Variants in KIF5C observed in about 807,000 individuals in gnomAD.
The protein encoded by KIF5C is kinesin heavy chain isoform 5C.
In KIF5C, 18 loss-of-function variants were observed where a neutral mutation model predicts 125.2. That is an observed-to-expected ratio of 0.14 (90% CI 0.10 to 0.21). The LOEUF (loss-of-function observed/expected upper bound fraction) is 0.21. Among genes scored for constraint, KIF5C ranks in the 10% least tolerant of loss-of-function variants. The pLI is 1.00. For synonymous variants in KIF5C, 405 were observed against 434.0 expected (o/e 0.93, Z 0.83); for missense variants, 780 against 1,183.8 (o/e 0.66, Z 5.01).
chr2:148,971,302 A>ATC (rs1305403250), intron 11 of KIF5C, among the ~76,000 whole-genome samples: 1 of 136,636 alleles, frequency 7.3e-6, no homozygotes, highest in African/African-American at 2.5e-5. Flanking sequence ...CTATCTATCT[A>ATC]TCTATCTATC....
intron 14 of KIF5C, among the ~76,000 whole-genome samples, chr2:148,982,095 T>C (rs1397574823): frequency 6.6e-6 from 1 of 152,204 alleles, no homozygotes; most frequent in Non-Finnish European, 1.5e-5. Context: ...TGGACTTCAC[T>C]CTTCTTGCTT....
At chr2:148,970,203 A>G (rs2105142533) in intron 11 of KIF5C, among the ~76,000 whole-genome samples, 1 of 152,280 alleles carries the variant, frequency 6.6e-6, no homozygotes, top group Admixed American at 6.5e-5. Context: ...CCTGAAATGG[A>G]CTTGCATGGC....
intron 4 of KIF5C, among the ~76,000 whole-genome samples, chr2:148,938,216 T>A (rs1181299582): frequency 6.6e-6 from 1 of 152,218 alleles, no homozygotes; most frequent in Non-Finnish European, 1.5e-5. Context: ...GTGGGCATTT[T>A]GTGGAGGATG....
At position 149,024,757 on chromosome 2, in the gene KIF5C, G is replaced by A. The variant is rs1229433198; in HGVS notation, c.*1687G>A. ...TTGAAGTATTTATTTTGTGAAGATG[G>A]CAATTTTGCATTTGTTTAAATTTTT... On this transcript the variant is annotated 3_prime_UTR_variant, in exon 26 of 26. Transcript: ENST00000435030. 2 of 152,450 alleles carry A rather than the reference G, an allele frequency of 1.3e-5. No homozygotes were observed. The highest frequency in any genetic ancestry group is 2.4e-5 in the African/African-American group (1 of 41,374). 9.4% of individuals were successfully genotyped at this position (152,450 alleles called of 1,614,324 possible).
chr2:148,990,503 C>G (rs975005136), intron 15 of KIF5C, among the ~76,000 whole-genome samples: 1 of 152,124 alleles, frequency 6.6e-6, no homozygotes, highest in Non-Finnish European at 1.5e-5. Flanking sequence ...ATAGAAACAC[C>G]TTTTTATTTC....
In KIF5C at chr2:149,024,531, T is replaced by A. The variant is rs2105218830; in HGVS notation, c.*1461T>A. 6.7e-6 allele frequency: 1 copy of A among 150,120 alleles called. No homozygotes were observed. 9.3% of individuals were successfully genotyped at this position (150,120 alleles called of 1,614,324 possible). A position where few individuals can be genotyped will look rare whatever the true frequency, so the allele number is the denominator to read the frequency against. On this transcript the variant is annotated 3_prime_UTR_variant, in exon 26 of 26. Coordinates refer to ENST00000435030, the MANE Select transcript of KIF5C (RefSeq NM_004522.3). ...GGTAGCTCAAGTGTGTGTGTGTGTGTGTGTGTGTGTGTGTGTGTGTGTGTG... is the reference window on the plus strand; with the variant it reads ...GGTAGCTCAAGTGTGTGTGTGTGTGAGTGTGTGTGTGTGTGTGTGTGTGTG...
At position 148,905,683 on chromosome 2, in the gene KIF5C, G is replaced by A. The variant is rs533430492; in HGVS notation, c.127-16454G>A. Among the ~76,000 whole-genome samples, 21 of 152,294 alleles carry A rather than the reference G, an allele frequency of 1.4e-4. No individual in the cohort carries two copies. In the South Asian group the frequency reaches 3.1e-3, roughly 23 times the overall value. The stretch of plus-strand genomic sequence containing the variant: ...CTTTTAGCTAATGGAGGAAGCCTAC[G>A]AGAAGGGAGAGATGGAGCCAGGGTC... On this transcript the variant is annotated intron_variant, in intron 1 of 25. Coordinates refer to ENST00000435030, the MANE Select transcript of KIF5C (RefSeq NM_004522.3).
chr2:148,884,592 A>G (rs1362124321), intron 1 of KIF5C, among the ~76,000 whole-genome samples: 1 of 152,232 alleles, frequency 6.6e-6, no homozygotes, highest in African/African-American at 2.4e-5. Context: ...CAACCTCACT[A>G]GATTGCTTTA....
chr2:148,973,500 C>T lies in KIF5C; in HGVS notation c.1282C>T (p.Leu428=), dbSNP rs761718278. Residue 428 remains leucine, a synonymous_variant, in exon 12 of 26, where the codon CTG becomes TTG. Transcript: ENST00000435030. ...GGAGATCTCCAGTCTCTACAGACAA[C>T]TGGATGACAAGGTCTGTGGCCAGAG... ...DEEISSLYRQ[L]DDKDDEINQQ... 3 of 1,607,930 alleles carry T rather than the reference C, an allele frequency of 1.9e-6. No individual in the cohort carries two copies. The East Asian group carries it at 6.7e-5, about 36-fold the overall frequency.
At chr2:148,973,649 T>C (rs1680981158) in intron 12 of KIF5C, 138 bp downstream of exon 12, 1 of 1,257,908 alleles carries the variant, frequency 7.9e-7, no homozygotes, top group Non-Finnish European at 1.1e-6. Context: ...AGCACTTTGA[T>C]GGTGCAGATT....
At chr2:148,976,339 A>G (rs113440697) in intron 12 of KIF5C, among the ~76,000 whole-genome samples, 4,144 of 151,708 alleles carry the variant, frequency 0.027, 171 homozygotes, top group African/African-American at 0.088. Context: ...GTGCGACCTC[A>G]GTGCACTGCA....
At chr2:149,017,393 T>C (rs1168986880) in intron 25 of KIF5C, among the ~76,000 whole-genome samples, 1 of 152,160 alleles carries the variant, frequency 6.6e-6, no homozygotes, top group Admixed American at 6.5e-5. Flanking sequence ...GGTCTCGCTC[T>C]TGAGACCAGA....
At chr2:148,888,864 A>G (rs567225921) in intron 1 of KIF5C, 1 of 151,972 alleles carries the variant, frequency 6.6e-6, no homozygotes, top group East Asian at 1.9e-4. Context: ...ATACTCCATA[A>G]ACAGTTTCCA....
At chr2:148,961,824 A>T in intron 10 of KIF5C, 147 bp from the exon 11 acceptor site, 1 of 1,145,124 alleles carries the variant, frequency 8.7e-7, no homozygotes, top group Non-Finnish European at 1.2e-6. Context: ...CCGTTAGTCC[A>T]ATTAGGAGGA....
chr2:148,893,175 G>A (rs1681754662), intron 1 of KIF5C, among the ~76,000 whole-genome samples: 1 of 152,148 alleles, frequency 6.6e-6, no homozygotes, highest in Non-Finnish European at 1.5e-5. Flanking sequence ...GACCTTGACT[G>A]GCTCTTGCTT....
intron 18 of KIF5C, chr2:148,997,550 G>A (rs1681713387): frequency 1.2e-6 from 1 of 866,454 alleles, no homozygotes; most frequent in African/African-American, 1.7e-5. Flanking sequence ...TGTAGAGAAT[G>A]GTTAAGTTGC....
intron 11 of KIF5C, 118 bp from the exon 12 acceptor site, chr2:148,973,218 G>A (rs181403173): frequency 1.4e-6 from 2 of 1,385,796 alleles, no homozygotes; most frequent in Non-Finnish European, 1.9e-6. Flanking sequence ...CCACACTACA[G>A]CCCTTTATTG....
intron 1 of KIF5C, among the ~76,000 whole-genome samples, chr2:148,912,888 G>A (rs1681397972): frequency 6.6e-6 from 1 of 152,180 alleles, no homozygotes; most frequent in Admixed American, 6.5e-5. Flanking sequence ...TGTAGCCCAA[G>A]TTCCAGATGG....
At chr2:148,916,898 G>A (rs1028636341) in intron 1 of KIF5C, among the ~76,000 whole-genome samples, 2 of 152,104 alleles carry the variant, frequency 1.3e-5, no homozygotes, top group Non-Finnish European at 2.9e-5. Flanking sequence ...CTACCTAGCT[G>A]GCTGCACGCA....
Sources: allele counts gnomAD v4.1 joint callset (sites outside exome capture counted in the v4.1 genomes callset), GRCh38; gene constraint gnomAD v4.1.1; transcripts MANE v1.5; gene names NCBI Gene and HGNC (gene_info 2026-07-23, HGNC 2026-07-21).